Variants in FHIT observed in about 807,000 individuals in gnomAD.
FHIT encodes the protein bis(5'-adenosyl)-triphosphatase.
A neutral mutation model predicts 17.9 loss-of-function variants in FHIT; 19 were observed. The ratio of observed to expected loss-of-function variants is 1.06; its 90% CI spans 0.74 to 1.56. FHIT has a LOEUF of 1.56. Ranked by LOEUF, FHIT falls within the 40% of genes most tolerant of loss-of-function variation. The pLI is 0.00. For synonymous variants in FHIT, 81 were observed against 69.7 expected (o/e 1.16, Z -0.81); for missense variants, 248 against 189.2 (o/e 1.31, Z -1.82).
Position 60,903,969 on chromosome 3 carries a change from G to T in FHIT, c.-110-81958C>A, listed in dbSNP as rs185884991. ...AAGACAGGCCTAGCCCTTTTCAAAAGCTGAGCCTTCCCTCCCAGGATCCAA... is the reference window on the plus strand; with the variant it reads ...AAGACAGGCCTAGCCCTTTTCAAAATCTGAGCCTTCCCTCCCAGGATCCAA... On this transcript the variant is annotated intron_variant, in intron 3 of 9. Transcript: ENST00000492590. Among the ~76,000 whole-genome samples the T allele has an allele frequency of 1.1e-3, 165 of 152,258 alleles. 1 individual carries two copies. Among genetic ancestry groups the T allele is most frequent in the Non-Finnish European group, 8.5e-4 (58 of 68,000 alleles).
intron 8 of FHIT, among the ~76,000 whole-genome samples, chr3:59,817,005 CA>C (rs957565441): frequency 3.0e-4 from 46 of 152,196 alleles, no homozygotes; most frequent in African/African-American, 1.1e-3. Flanking sequence ...GACCTTTGTT[CA>C]GTGAAGAAGA....
intron 2 of FHIT, among the ~76,000 whole-genome samples, chr3:61,169,730 G>A (rs553277555): frequency 1.1e-4 from 16 of 152,320 alleles, no homozygotes; most frequent in African/African-American, 3.6e-4. Flanking sequence ...TCTGACATGT[G>A]TTAAAATGGT....
At chr3:60,230,046 C>G (rs1211287822) in intron 5 of FHIT, among the ~76,000 whole-genome samples, 11 of 152,140 alleles carry the variant, frequency 7.2e-5, no homozygotes. Context: ...CCATATTTTA[C>G]TTAAGATTTC....
intron 5 of FHIT, among the ~76,000 whole-genome samples, chr3:60,464,013 C>A (rs1430793339): frequency 1.3e-5 from 2 of 152,170 alleles, no homozygotes; most frequent in Non-Finnish European, 2.9e-5. Flanking sequence ...ATGTAATTTG[C>A]CCTTTATTTG....
At chr3:60,299,346 T>C (rs932308904) in intron 5 of FHIT, among the ~76,000 whole-genome samples, 1 of 152,266 alleles carries the variant, frequency 6.6e-6, no homozygotes, top group Non-Finnish European at 1.5e-5. Flanking sequence ...ATGAAGGATG[T>C]TGGTCTGCAG....
intron 5 of FHIT, among the ~76,000 whole-genome samples, chr3:60,439,460 C>G (rs148083926): frequency 1.3e-5 from 2 of 152,066 alleles, no homozygotes; most frequent in African/African-American, 2.4e-5. Flanking sequence ...TCTCTAGCAA[C>G]ACAAGCTCTA....
At chr3:59,912,222 T>C (rs1295541050) in intron 8 of FHIT, among the ~76,000 whole-genome samples, 1 of 152,204 alleles carries the variant, frequency 6.6e-6, no homozygotes, top group Non-Finnish European at 1.5e-5. Context: ...AATGAAAATT[T>C]TGTTTCCAGC....
intron 4 of FHIT, among the ~76,000 whole-genome samples, chr3:60,755,333 GTCCCA>G (rs1193960302): frequency 1.3e-5 from 2 of 152,220 alleles, no homozygotes; most frequent in Non-Finnish European, 2.9e-5. Flanking sequence ...CAGCCAGTCA[GTCCCA>G]TCCCATTGCT....
intron 5 of FHIT, among the ~76,000 whole-genome samples, chr3:60,115,956 AT>A (rs1704938683): frequency 6.6e-6 from 1 of 152,210 alleles, no homozygotes; most frequent in Admixed American, 6.5e-5. Flanking sequence ...ATGGTTATAG[AT>A]GAGAAGTTGA....
intron 5 of FHIT, among the ~76,000 whole-genome samples, chr3:60,310,372 T>C (rs572318158): frequency 6.6e-6 from 1 of 152,200 alleles, no homozygotes; most frequent in East Asian, 1.9e-4. Flanking sequence ...TTTAGTTACC[T>C]GGGGCAAGAA....
intron 4 of FHIT, among the ~76,000 whole-genome samples, chr3:60,672,400 G>A (rs549253142): frequency 6.1e-4 from 93 of 152,064 alleles, no homozygotes; most frequent in African/African-American, 2.1e-3. Context: ...TGGCAGGAGT[G>A]GGGGTCGCAA....
chr3:60,146,601 T>G (rs549385852), intron 5 of FHIT, among the ~76,000 whole-genome samples: 1 of 152,204 alleles, frequency 6.6e-6, no homozygotes, highest in South Asian at 2.1e-4. Context: ...GATCACCCAG[T>G]TTGGGAGCTA....
intron 7 of FHIT, among the ~76,000 whole-genome samples, chr3:59,961,729 C>A (rs1298260138): frequency 6.6e-6 from 1 of 152,214 alleles, no homozygotes. Flanking sequence ...CCCCTCGCCC[C>A]CTGTGGGCTG....
intron 5 of FHIT, among the ~76,000 whole-genome samples, chr3:60,084,091 A>G (rs1237145366): frequency 6.6e-6 from 1 of 152,182 alleles, no homozygotes; most frequent in African/African-American, 2.4e-5. Flanking sequence ...ATGATCCTCT[A>G]TACGTACATA....
At chr3:60,205,069 T>C (rs771380155) in intron 5 of FHIT, among the ~76,000 whole-genome samples, 3 of 151,556 alleles carry the variant, frequency 2.0e-5, no homozygotes, top group Non-Finnish European at 4.4e-5. Context: ...GCTCTCCAGC[T>C]TGGGTGACAA....
intron 5 of FHIT, among the ~76,000 whole-genome samples, chr3:60,403,710 T>C (rs1018410114): frequency 3.4e-4 from 52 of 152,290 alleles, no homozygotes; most frequent in African/African-American, 1.2e-3. Flanking sequence ...CTGGGTTTTC[T>C]CAGTCTACCA....
At chr3:60,706,395 T>C in intron 4 of FHIT, among the ~76,000 whole-genome samples, 1 of 152,138 alleles carries the variant, frequency 6.6e-6, no homozygotes, top group East Asian at 1.9e-4. Flanking sequence ...CCCAGAACTT[T>C]AAGTAAAAAA....
At chr3:60,300,530 G>A (rs1258715408) in intron 5 of FHIT, among the ~76,000 whole-genome samples, 16 of 152,012 alleles carry the variant, frequency 1.1e-4, no homozygotes, top group Admixed American at 1.0e-3. Flanking sequence ...GTTTTTTCCT[G>A]TAAGATGGGG....
At chr3:61,057,916 C>G (rs1395193789) in intron 2 of FHIT, among the ~76,000 whole-genome samples, 1 of 152,174 alleles carries the variant, frequency 6.6e-6, no homozygotes, top group African/African-American at 2.4e-5. Context: ...GTGAGGAAGG[C>G]TCCTTGGGTC....
Sources: gnomAD v4.1 joint callset for allele counts (sites outside exome capture counted in the v4.1 genomes callset) on GRCh38, gnomAD v4.1.1 for gene constraint, MANE v1.5 for transcripts, NCBI Gene and HGNC (gene_info 2026-07-23, HGNC 2026-07-21) for gene names.